PPP1R12B: variants seen among roughly 807,000 people sequenced by gnomAD.
The protein encoded by PPP1R12B is myosin phosphatase target subunit 2.
Under a neutral mutation model 126.1 loss-of-function variants are expected in PPP1R12B, and 76 were observed. The observed-to-expected ratio is 0.60, with a 90% CI of 0.50 to 0.73. The LOEUF is 0.73. PPP1R12B is among the 30% of genes least tolerant of loss of function. The pLI is 0.00. For missense variants in PPP1R12B, 1,052 were observed against 1,205.1 expected, an observed-to-expected ratio of 0.87 and a Z score of 1.88; for synonymous variants, 356 against 434.7, an observed-to-expected ratio of 0.82 and a Z score of 2.25.
rs1688201970 is a variant in PPP1R12B at position 202,567,832 on chromosome 1, G to A, written c.2811+1G>A. On this transcript the variant is annotated splice_donor_variant, in intron 22 of 23. Coordinates refer to ENST00000608999, the MANE Select transcript of PPP1R12B (RefSeq NM_002481.4). LOFTEE classifies it high-confidence loss of function. ...ATCAGTGCTGGAGATGGAGAAACGG[G>A]TATGCGCATGTCTGTTTCCCCCTCC... 1.2e-6 allele frequency: 2 copies of A among 1,613,762 alleles called. No individual in the cohort carries two copies. The highest frequency in any genetic ancestry group is 8.5e-7 in the Non-Finnish European group (1 of 1,179,718).
intron 13 of PPP1R12B, among the ~76,000 whole-genome samples, chr1:202,477,772 A>C (rs1303045263): frequency 1.3e-5 from 2 of 152,202 alleles, no homozygotes; most frequent in Admixed American, 6.5e-5. Context: ...GTATCTTTGA[A>C]GTCATGCTTA....
chr1:202,391,084 A>G (rs1010965836), intron 1 of PPP1R12B, among the ~76,000 whole-genome samples: 22 of 152,174 alleles, frequency 1.4e-4, no homozygotes, highest in African/African-American at 5.3e-4. Flanking sequence ...AAGTGATAAG[A>G]CAACCCACAG....
Position 202,348,944 on chromosome 1 carries a change from A to G in PPP1R12B, c.93A>G (p.Thr31=). ...TTCGGCGCTGGCGGGGCTCGCTGAC[A>G]GAGCAGGAGCCTGCGGAGCGACGAG... is the stretch of plus-strand genomic sequence containing the variant. The part of the protein sequence containing the change: ...EQLRRWRGSL[T]EQEPAERRGA... Residue 31 remains threonine, a synonymous_variant, in exon 1 of 24, where the codon ACA becomes ACG. Coordinates refer to ENST00000608999, the MANE Select transcript of PPP1R12B (RefSeq NM_002481.4). 1.2e-6 allele frequency: 2 copies of G among 1,603,136 alleles called. No individual in the cohort carries two copies. The highest frequency in any genetic ancestry group is 2.7e-5 in the African/African-American group (2 of 74,918).
At chr1:202,523,312 G>C (rs1319930806) in intron 18 of PPP1R12B, among the ~76,000 whole-genome samples, 2 of 151,936 alleles carry the variant, frequency 1.3e-5, no homozygotes, top group Non-Finnish European at 2.9e-5. Flanking sequence ...GATGCAATTT[G>C]GAAAAAAAAC....
At chr1:202,491,494 C>T (rs28522136) in intron 14 of PPP1R12B, among the ~76,000 whole-genome samples, 17,581 of 152,080 alleles carry the variant, frequency 0.12, 1,254 homozygotes, top group Middle Eastern at 0.17. Context: ...AAAAAGAAGA[C>T]AGGCTATACT....
intron 18 of PPP1R12B, among the ~76,000 whole-genome samples, chr1:202,499,179 G>A (rs78394812): frequency 0.019 from 2,901 of 152,188 alleles, 103 homozygotes; most frequent in African/African-American, 0.066. Context: ...ACTAATCTAT[G>A]GTGATAGAAA....
At chr1:202,499,724 A>G (rs1468480982) in intron 18 of PPP1R12B, among the ~76,000 whole-genome samples, 3 of 152,384 alleles carry the variant, frequency 2.0e-5, no homozygotes, top group African/African-American at 4.8e-5. Flanking sequence ...AGCAGTGACA[A>G]CAACGTGGTT....
chr1:202,505,752 A>G (rs1572321033), intron 18 of PPP1R12B, among the ~76,000 whole-genome samples: 1 of 152,188 alleles, frequency 6.6e-6, no homozygotes. Context: ...AGTATATTAC[A>G]TAACAACCAA....
chr1:202,361,504 A>G (rs1658210509), intron 1 of PPP1R12B, among the ~76,000 whole-genome samples: 1 of 152,196 alleles, frequency 6.6e-6, no homozygotes, highest in African/African-American at 2.4e-5. Flanking sequence ...TGGAAAGGAC[A>G]CCATGCCATT....
At chr1:202,367,335 A>T (rs186934306) in intron 1 of PPP1R12B, among the ~76,000 whole-genome samples, 75 of 152,308 alleles carry the variant, frequency 4.9e-4, no homozygotes, top group Admixed American at 5.9e-4. Context: ...CATAAGCTTT[A>T]TGTAAGCTGT....
chr1:202,533,707 T>A (rs1195967164), intron 18 of PPP1R12B, among the ~76,000 whole-genome samples: 2 of 152,192 alleles, frequency 1.3e-5, no homozygotes, highest in Non-Finnish European at 2.9e-5. Context: ...AGACCCAGCT[T>A]ATGCATTTTT....
chr1:202,562,341 A>G (rs186127435), intron 19 of PPP1R12B, among the ~76,000 whole-genome samples: 23 of 152,308 alleles, frequency 1.5e-4, no homozygotes, highest in Admixed American at 1.2e-3. Flanking sequence ...TTTCATTCCT[A>G]TTCAACCTCC....
chr1:202,554,847 A>T (rs550089654), intron 18 of PPP1R12B, among the ~76,000 whole-genome samples: 1 of 151,778 alleles, frequency 6.6e-6, no homozygotes, highest in Non-Finnish European at 1.5e-5. Flanking sequence ...TAGGTCATCA[A>T]CTTCCTAGGT....
At chr1:202,471,653 A>AT (rs951760306) in intron 13 of PPP1R12B, among the ~76,000 whole-genome samples, 9 of 139,278 alleles carry the variant, frequency 6.5e-5, no homozygotes, top group South Asian at 2.2e-4. Flanking sequence ...TTTAATTTGC[A>AT]TTTTTTTTAT....
intron 19 of PPP1R12B, among the ~76,000 whole-genome samples, chr1:202,561,674 A>G (rs1174621966): frequency 6.6e-6 from 1 of 152,228 alleles, no homozygotes; most frequent in Non-Finnish European, 1.5e-5. Flanking sequence ...TTTTATAATC[A>G]GGAAACTCAA....
At chr1:202,536,262 T>G (rs1430707191) in intron 18 of PPP1R12B, among the ~76,000 whole-genome samples, 1 of 152,222 alleles carries the variant, frequency 6.6e-6, no homozygotes, top group Non-Finnish European at 1.5e-5. Flanking sequence ...ACCTAGATGG[T>G]ACAGCCTACT....
chr1:202,456,887 C>G (rs952019095), intron 13 of PPP1R12B, among the ~76,000 whole-genome samples: 1 of 152,172 alleles, frequency 6.6e-6, no homozygotes, highest in African/African-American at 2.4e-5. Context: ...AAAACAGTTT[C>G]AACCAAAGAT....
rs770462302 is a variant in PPP1R12B, at chr1:202,495,281, G to T, written c.2146-12G>T. On this transcript the variant is annotated splice_polypyrimidine_tract_variant and intron_variant, in intron 15 of 23. Transcript: ENST00000608999. ...TTGATTTCTAATATCTCATATTGTG[G>T]ATTATTTCCAGCCTATCTGTCATCG... 8.5e-6 allele frequency: 13 copies of T among 1,534,316 alleles called. No individual in the cohort carries two copies. In the African/African-American group the frequency reaches 1.7e-4, roughly 20 times the overall value.
intron 18 of PPP1R12B, among the ~76,000 whole-genome samples, chr1:202,540,883 C>A (rs1398372868): frequency 6.6e-6 from 1 of 152,210 alleles, no homozygotes. Context: ...TGGCCATTGA[C>A]AACCAGCTGT....
Sources: allele counts gnomAD v4.1 joint callset (sites outside exome capture counted in the v4.1 genomes callset), GRCh38; gene constraint gnomAD v4.1.1; transcripts MANE v1.5; gene names NCBI Gene and HGNC (gene_info 2026-07-23, HGNC 2026-07-21).